The following VWC2L variants were observed in gnomAD, a reference collection of about 807,000 sequenced individuals.
VWC2L encodes the protein von Willebrand factor C domain containing 2 like.
A neutral mutation model predicts 21.6 loss-of-function variants in VWC2L; 10 were observed. The observed-to-expected ratio is 0.46, with a 90% CI of 0.29 to 0.78. The LOEUF (loss-of-function observed/expected upper bound fraction) is 0.78, where lower values mean the gene tolerates loss of function less well. Among genes scored for constraint, VWC2L ranks in the 30% least tolerant of loss-of-function variants. The probability of loss-of-function intolerance (pLI) is 0.10; values close to 1 mark genes in which losing one functional copy is unlikely to be tolerated. For synonymous variants in VWC2L, 96 were observed against 94.3 expected (o/e 1.02, Z -0.10); for missense variants, 209 against 277.1 (o/e 0.75, Z 1.74).
chr2:214,546,806 G>A lies in VWC2L; in HGVS notation c.521-28866G>A, dbSNP rs1296134454. 2.0e-5 allele frequency among the ~76,000 whole-genome samples: 3 copies of A among 152,174 alleles called. No homozygotes were observed. In the East Asian group the frequency reaches 5.8e-4, roughly 29 times the overall value. ...GAGTGAAATGAAAGGAGTTTTCGCT[G>A]GTAGAGCTGGCATGTTAAAGTGATT... On this transcript the variant is annotated intron_variant, in intron 3 of 3. Coordinates refer to ENST00000312504, the MANE Select transcript of VWC2L (RefSeq NM_001080500.4).
At chr2:214,502,574 A>C (rs1688910023) in intron 3 of VWC2L, among the ~76,000 whole-genome samples, 2 of 127,676 alleles carry the variant, frequency 1.6e-5, no homozygotes, top group South Asian at 2.8e-4. Flanking sequence ...CACGTCAAAA[A>C]CAAACAAAAA....
intron 3 of VWC2L, among the ~76,000 whole-genome samples, chr2:214,559,156 C>A (rs1689923576): frequency 6.6e-6 from 1 of 151,808 alleles, no homozygotes. Context: ...AAACAAACAA[C>A]CCCATCACAA....
chr2:214,456,397 G>A (rs995716405), intron 3 of VWC2L, among the ~76,000 whole-genome samples: 2 of 151,732 alleles, frequency 1.3e-5, no homozygotes, highest in Non-Finnish European at 3.0e-5. Context: ...TTTGGTTTTT[G>A]TTTGGGTTTT....
At chr2:214,530,712 T>C (rs1221206198) in intron 3 of VWC2L, among the ~76,000 whole-genome samples, 1 of 152,160 alleles carries the variant, frequency 6.6e-6, no homozygotes, top group South Asian at 2.1e-4. Context: ...TGAAAATAAA[T>C]TGGTGTCACA....
In VWC2L at chr2:214,577,816, C is replaced by T. The variant is rs551312420; in HGVS notation, c.*1996C>T. On this transcript the variant is annotated 3_prime_UTR_variant, in exon 4 of 4. Transcript: ENST00000312504. ...AAAATTAACGTGCTGACGAGTCAGA[C>T]CTGACATTCTTATGCACACTGTGCT... 143 of 152,266 alleles carry T rather than the reference C, an allele frequency of 9.4e-4. No homozygotes were observed. The highest frequency in any genetic ancestry group is 3.3e-3 in the African/African-American group (137 of 41,552). The allele number at this position is 152,266 out of a possible 1,614,324, so 9.4% of individuals were successfully genotyped here. A position where few individuals can be genotyped will look rare whatever the true frequency, so the allele number is the denominator to read the frequency against.
chr2:214,427,018 C>T (rs2126174551), intron 2 of VWC2L, among the ~76,000 whole-genome samples: 1 of 152,276 alleles, frequency 6.6e-6, no homozygotes, highest in East Asian at 1.9e-4. Context: ...ATTCTGAATG[C>T]AGTGAGGATT....
intron 3 of VWC2L, among the ~76,000 whole-genome samples, chr2:214,573,435 G>A (rs550143390): frequency 3.1e-4 from 47 of 152,170 alleles, no homozygotes; most frequent in Non-Finnish European, 1.5e-4. Context: ...TATACAATTG[G>A]GGTAAACAGA....
chr2:214,569,182 G>A (rs1038931187), intron 3 of VWC2L, among the ~76,000 whole-genome samples: 1 of 152,110 alleles, frequency 6.6e-6, no homozygotes, highest in African/African-American at 2.4e-5. Context: ...GGCCTGTGAG[G>A]GCTCTAGTCT....
intron 3 of VWC2L, among the ~76,000 whole-genome samples, chr2:214,441,281 A>G (rs1232517179): frequency 1.3e-5 from 2 of 152,320 alleles, no homozygotes; most frequent in South Asian, 4.1e-4. Context: ...AATTGTTAAT[A>G]TATCTAATAC....
At chr2:214,555,298 C>T (rs1354785789) in intron 3 of VWC2L, among the ~76,000 whole-genome samples, 6 of 152,110 alleles carry the variant, frequency 3.9e-5, no homozygotes, top group Admixed American at 6.6e-5. Flanking sequence ...GTAACTTCTA[C>T]GTCTAATATG....
rs528272048 is a variant in VWC2L at position 214,413,940 on chromosome 2, C to A, written c.-80-174C>A. Among the ~76,000 whole-genome samples, 5 of 152,236 alleles carry A rather than the reference C, an allele frequency of 3.3e-5. No homozygotes were observed. In the East Asian group the frequency reaches 9.6e-4, roughly 29 times the overall value. ...AGGACAAATTTTAATGCATATATTG[C>A]CAAGTATCAACTCTCCAAACCTCAC... is the stretch of plus-strand genomic sequence containing the variant. On this transcript the variant is annotated intron_variant, in intron 1 of 3. Coordinates refer to ENST00000312504, the MANE Select transcript of VWC2L (RefSeq NM_001080500.4).
rs948516973 is a variant in VWC2L, at chr2:214,436,461, G to A, written c.391-168G>A. On this transcript the variant is annotated intron_variant, in intron 2 of 3. Coordinates refer to ENST00000312504, the MANE Select transcript of VWC2L (RefSeq NM_001080500.4). ...GCAGGTTGTAATCCACTGTGACTTG[G>A]GTGTCTAACTTGCCTTCCACCAAGG... 20 of 777,912 alleles carry A rather than the reference G, an allele frequency of 2.6e-5. No individual in the cohort carries two copies. In the African/African-American group the frequency reaches 3.5e-4, roughly 14 times the overall value. 48.2% of individuals were successfully genotyped at this position (777,912 alleles called of 1,614,324 possible).
chr2:214,501,615 G>A (rs576555645), intron 3 of VWC2L, among the ~76,000 whole-genome samples: 13 of 151,890 alleles, frequency 8.6e-5, no homozygotes, highest in Admixed American at 3.3e-4. Context: ...CCAGCTACTC[G>A]GGAGGCTGAG....
chr2:214,530,764 A>G (rs1243088223), intron 3 of VWC2L, among the ~76,000 whole-genome samples: 1 of 152,192 alleles, frequency 6.6e-6, no homozygotes, highest in African/African-American at 2.4e-5. Flanking sequence ...GCGAGTTAAT[A>G]ATGTATACTT....
chr2:214,444,882 C>A (rs1402118608), intron 3 of VWC2L, among the ~76,000 whole-genome samples: 2 of 151,832 alleles, frequency 1.3e-5, no homozygotes, highest in African/African-American at 4.8e-5. Context: ...GATTAAAATT[C>A]TAAATCTAAA....
At chr2:214,479,070 C>T (rs946959031) in intron 3 of VWC2L, among the ~76,000 whole-genome samples, 3 of 152,188 alleles carry the variant, frequency 2.0e-5, no homozygotes, top group African/African-American at 7.2e-5. Context: ...CTCACTCTCA[C>T]ACACATTCTG....
chr2:214,481,778 A>C (rs1688606728), intron 3 of VWC2L, among the ~76,000 whole-genome samples: 1 of 152,252 alleles, frequency 6.6e-6, no homozygotes, highest in Non-Finnish European at 1.5e-5. Flanking sequence ...GTAATATGAT[A>C]GCATTGATCC....
rs1553598700 is a variant in VWC2L at position 214,520,065 on chromosome 2, A to ACACACACACACACG, written c.521-55594_521-55593insGCACACACACACAC. ...GAATATTTGCTCCTGTTATACACAC[A>ACACACACACACACG]CACACACACACACACACACACACAC... is the stretch of plus-strand genomic sequence containing the variant. On this transcript the variant is annotated intron_variant, in intron 3 of 3. Coordinates refer to ENST00000312504, the MANE Select transcript of VWC2L (RefSeq NM_001080500.4). 6.1e-5 allele frequency among the ~76,000 whole-genome samples: 9 copies of ACACACACACACACG among 147,948 alleles called. No individual in the cohort carries two copies. The South Asian group carries it at 8.5e-4, about 14-fold the overall frequency.
intron 3 of VWC2L, among the ~76,000 whole-genome samples, chr2:214,514,447 G>T (rs1262929907): frequency 5.3e-5 from 8 of 151,204 alleles, no homozygotes; most frequent in African/African-American, 2.0e-4. Flanking sequence ...TTTAGTCTCT[G>T]TCTAGATATG....
Sources: gnomAD v4.1 joint callset for allele counts (sites outside exome capture counted in the v4.1 genomes callset) on GRCh38, gnomAD v4.1.1 for gene constraint, MANE v1.5 for transcripts, NCBI Gene and HGNC (gene_info 2026-07-23, HGNC 2026-07-21) for gene names.